Variants in CFI observed in about 807,000 individuals in gnomAD.
CFI encodes the protein complement factor I.
A neutral mutation model predicts 78.8 loss-of-function variants in CFI; 66 were observed. The observed-to-expected ratio is 0.84, with a 90% CI of 0.69 to 1.03. CFI has a LOEUF of 1.03. CFI is among the 50% of genes least tolerant of loss of function. The probability of loss-of-function intolerance (pLI) is 0.00; values close to 1 mark genes in which losing one functional copy is unlikely to be tolerated. For synonymous variants in CFI, 250 were observed against 232.6 expected (o/e 1.07, Z -0.68); for missense variants, 706 against 704.5 (o/e 1.00, Z -0.02).
intron 1 of CFI, chr4:109,794,293 G>C (rs764962177): frequency 5.3e-5 from 8 of 152,004 alleles, no homozygotes; most frequent in Non-Finnish European, 8.8e-5. Flanking sequence ...GGTGTCACAC[G>C]AGTCTCATAG....
rs1339623705 is a variant in CFI, at chr4:109,775,456, C to T, written c.58-8632G>A. Among the ~76,000 whole-genome samples the T allele has an allele frequency of 5.9e-5, 9 of 152,202 alleles. No individual in the cohort carries two copies. The South Asian group carries it at 6.2e-4, about 11-fold the overall frequency. On this transcript the variant is annotated intron_variant, in intron 1 of 12. Coordinates refer to ENST00000394634, the MANE Select transcript of CFI (RefSeq NM_000204.5). Reference sequence around the variant, plus strand: ...GGTGGCAGCAAGGCTGGGGGAGGGGCGTCTGCCATTGCTGAGGCTTGAGTA... The same window carrying T: ...GGTGGCAGCAAGGCTGGGGGAGGGGTGTCTGCCATTGCTGAGGCTTGAGTA...
the CFI span, among the ~76,000 whole-genome samples, chr4:109,733,497 A>T: frequency 6.6e-6 from 1 of 152,202 alleles, no homozygotes; most frequent in Non-Finnish European, 1.5e-5. Context: ...CAGAAGCTGA[A>T]GATAGGAAGT....
chr4:109,782,431 C>A (rs1280959515), intron 1 of CFI, among the ~76,000 whole-genome samples: 139 of 138,002 alleles, frequency 1.0e-3, no homozygotes, highest in Middle Eastern at 3.7e-3. Flanking sequence ...ACAATAGCTG[C>A]AAAAAAAAAA....
intron 7 of CFI, among the ~76,000 whole-genome samples, chr4:109,754,511 G>C (rs1447803114): frequency 6.7e-6 from 1 of 148,586 alleles, no homozygotes; most frequent in Non-Finnish European, 1.5e-5. Flanking sequence ...GAACATTTCT[G>C]TGTTCTAGAT....
chr4:109,796,051 C>T (rs1159178958), intron 1 of CFI, among the ~76,000 whole-genome samples: 1 of 152,124 alleles, frequency 6.6e-6, no homozygotes, highest in African/African-American at 2.4e-5. Flanking sequence ...GACTGAGACA[C>T]ATTATAATCA....
At chr4:109,796,936 A>C (rs1732129689) in intron 1 of CFI, among the ~76,000 whole-genome samples, 5 of 152,244 alleles carry the variant, frequency 3.3e-5, no homozygotes, top group Admixed American at 3.3e-4. Flanking sequence ...GGCACAAAGA[A>C]ATGGCAAGAC....
chr4:109,778,123 A>T (rs988220354), intron 1 of CFI, among the ~76,000 whole-genome samples: 4 of 152,206 alleles, frequency 2.6e-5, no homozygotes, highest in Non-Finnish European at 4.4e-5. Flanking sequence ...GGCAAGAAAT[A>T]ACTAAGATCA....
chr4:109,750,082 C>T (rs56970406), intron 8 of CFI, among the ~76,000 whole-genome samples: 36,084 of 151,834 alleles, frequency 0.24, 4,513 homozygotes, highest in Middle Eastern at 0.34. Context: ...CTGCAACCTC[C>T]GCCTCCCGGG....
chr4:109,799,344 T>C (rs973530140), intron 1 of CFI, among the ~76,000 whole-genome samples: 4 of 152,146 alleles, frequency 2.6e-5, no homozygotes, highest in African/African-American at 9.7e-5. Context: ...GTGCCTGGGG[T>C]CTGTCCTACA....
Position 109,754,621 on chromosome 4 carries a change from C to T in CFI, c.905-2118G>A, listed in dbSNP as rs75475041. ...ATCACATAGCCCAGAATGGCAGCGT[C>T]ACTTTGCTGCAATCCTGTGTCTTCT... On this transcript the variant is annotated intron_variant, in intron 7 of 12. Transcript: ENST00000394634. 3.0e-3 allele frequency among the ~76,000 whole-genome samples: 463 copies of T among 152,140 alleles called. 7 individuals are homozygous for T. Among genetic ancestry groups the T allele is most frequent in the African/African-American group, 0.011 (445 of 41,494 alleles).
At chr4:109,760,151 C>A in intron 6 of CFI, 119 bp downstream of exon 6, 1 of 742,662 alleles carries the variant, frequency 1.3e-6, no homozygotes, top group South Asian at 1.4e-5. Context: ...AATGCCCACT[C>A]AGTGTTCTTA....
intron 1 of CFI, among the ~76,000 whole-genome samples, chr4:109,776,929 T>C (rs965546476): frequency 3.9e-5 from 6 of 152,174 alleles, no homozygotes; most frequent in African/African-American, 1.4e-4. Context: ...TGCTGAGAGA[T>C]TTTGTCACCA....
At chr4:109,776,068 A>C (rs1267834347) in intron 1 of CFI, among the ~76,000 whole-genome samples, 4 of 152,212 alleles carry the variant, frequency 2.6e-5, no homozygotes, top group African/African-American at 9.6e-5. Context: ...TCTAAAAATC[A>C]GAGCACCTCT....
chr4:109,788,576 A>T (rs1731018638), intron 1 of CFI, among the ~76,000 whole-genome samples: 1 of 152,050 alleles, frequency 6.6e-6, no homozygotes, highest in Non-Finnish European at 1.5e-5. Context: ...CCAGCACTTT[A>T]TCTGGAATAT....
chr4:109,790,406 C>A (rs1731230704), intron 1 of CFI, among the ~76,000 whole-genome samples: 1 of 151,880 alleles, frequency 6.6e-6, no homozygotes. Context: ...GTTAGATTAT[C>A]AATTTGAGAT....
chr4:109,760,172 C>T (rs1290408326), intron 6 of CFI, 98 bp downstream of exon 6: 1 of 806,574 alleles, frequency 1.2e-6, no homozygotes, highest in Admixed American at 1.8e-5. Flanking sequence ...CTGCTACACC[C>T]ATCTATGTTC....
At chr4:109,757,350 T>G (rs1399153479) in intron 7 of CFI, among the ~76,000 whole-genome samples, 1 of 152,054 alleles carries the variant, frequency 6.6e-6, no homozygotes, top group Non-Finnish European at 1.5e-5. Flanking sequence ...ATGAATATTT[T>G]TAAAAAGGGT....
chr4:109,740,527 G>A (rs753031615), downstream of CFI, among the ~76,000 whole-genome samples: 3 of 152,180 alleles, frequency 2.0e-5, no homozygotes, highest in Non-Finnish European at 2.9e-5. Flanking sequence ...AGGTGGAAAA[G>A]GAGACACAAA....
At chr4:109,781,646 C>T (rs1730049551) in intron 1 of CFI, among the ~76,000 whole-genome samples, 1 of 152,114 alleles carries the variant, frequency 6.6e-6, no homozygotes, top group African/African-American at 2.4e-5. Context: ...GGAACCCTCC[C>T]CAATTCATTC....
Sources: allele counts gnomAD v4.1 joint callset (sites outside exome capture counted in the v4.1 genomes callset), GRCh38; gene constraint gnomAD v4.1.1; transcripts MANE v1.5; gene names NCBI Gene and HGNC (gene_info 2026-07-23, HGNC 2026-07-21).